The following TBC1D15 variants were observed in gnomAD, a reference collection of about 807,000 sequenced individuals.
TBC1D15 encodes the protein TBC1 domain family member 15, also known as GAP for RAB7.
A neutral mutation model predicts 95.4 loss-of-function variants in TBC1D15; 39 were observed. The ratio of observed to expected loss-of-function variants is 0.41; its 90% CI spans 0.32 to 0.53. TBC1D15 has a LOEUF of 0.53. Among genes scored for constraint, TBC1D15 ranks in the 20% least tolerant of loss-of-function variants. The pLI, the probability that TBC1D15 is intolerant of heterozygous loss-of-function variation, is 0.29. For synonymous variants in TBC1D15, 258 were observed against 261.3 expected, an observed-to-expected ratio of 0.99 and a Z score of 0.12; for missense variants, 733 against 794.3, an observed-to-expected ratio of 0.92 and a Z score of 0.93.
At chr12:71,904,845 G>C (rs1291423180) in intron 10 of TBC1D15, among the ~76,000 whole-genome samples, 20 of 152,196 alleles carry the variant, frequency 1.3e-4, no homozygotes, top group Admixed American at 1.3e-3. Context: ...TAAAATAATT[G>C]TATGAATGGG....
intron 1 of TBC1D15, among the ~76,000 whole-genome samples, chr12:71,857,932 A>G (rs1039857310): frequency 1.3e-5 from 2 of 152,018 alleles, no homozygotes; most frequent in Non-Finnish European, 2.9e-5. Context: ...GTAAGAGAAC[A>G]TGTGGTATTT....
intron 3 of TBC1D15, among the ~76,000 whole-genome samples, chr12:71,879,710 A>G (rs1206117169): frequency 6.6e-6 from 1 of 152,016 alleles, no homozygotes; most frequent in Non-Finnish European, 1.5e-5. Context: ...ATTACATTAT[A>G]TTTCTTCTTC....
chr12:71,849,452 G>T, intron 1 of TBC1D15: 1 of 1,038,022 alleles, frequency 9.6e-7, no homozygotes, highest in Non-Finnish European at 1.5e-6. Context: ...CCTCTTCAAG[G>T]GAAGATTCCA....
intron 1 of TBC1D15, 62 bp downstream of exon 1, chr12:71,839,873 T>C (rs1203859146): frequency 6.3e-7 from 1 of 1,598,216 alleles, no homozygotes; most frequent in Non-Finnish European, 8.6e-7. Flanking sequence ...TTTTGCTCCC[T>C]GGCAGCTGGT....
chr12:71,849,880 T>TG (rs1887328419), intron 1 of TBC1D15: 3 of 572,622 alleles, frequency 5.2e-6, no homozygotes, highest in Admixed American at 4.1e-5. Context: ...GAAGAATGTT[T>TG]GGGGTCCACC....
intron 1 of TBC1D15, among the ~76,000 whole-genome samples, chr12:71,847,423 A>G (rs1886575258): frequency 6.6e-6 from 1 of 152,006 alleles, no homozygotes; most frequent in Non-Finnish European, 1.5e-5. Flanking sequence ...TGGGCCAGGC[A>G]CGGTGGCTCA....
chr12:71,861,765 A>T (rs116989087), intron 1 of TBC1D15, among the ~76,000 whole-genome samples: 2 of 147,246 alleles, frequency 1.4e-5, no homozygotes, highest in African/African-American at 5.0e-5. Context: ...GTTCCTTGAC[A>T]TGCATTGTTC....
intron 4 of TBC1D15, among the ~76,000 whole-genome samples, chr12:71,882,072 T>C (rs1295309554): frequency 1.3e-5 from 2 of 151,964 alleles, no homozygotes; most frequent in Non-Finnish European, 2.9e-5. Flanking sequence ...TAAAAGTTTT[T>C]TTCCCCCCAA....
At chr12:71,912,319 C>T (rs772304965) in intron 11 of TBC1D15, among the ~76,000 whole-genome samples, 2 of 152,058 alleles carry the variant, frequency 1.3e-5, no homozygotes, top group Non-Finnish European at 2.9e-5. Context: ...TTGTCTGGTA[C>T]TGTAATAATT....
chr12:71,844,791 G>T (rs1294906284), intron 1 of TBC1D15, among the ~76,000 whole-genome samples: 1 of 152,198 alleles, frequency 6.6e-6, no homozygotes, highest in Non-Finnish European at 1.5e-5. Context: ...AGGATTCTCT[G>T]CATTCCTCTA....
Position 71,872,943 on chromosome 12 carries a change from A to T in TBC1D15, c.144A>T (p.Ile48=), listed in dbSNP as rs768057008. 3 of 1,607,102 alleles carry T rather than the reference A, an allele frequency of 1.9e-6. No individual in the cohort carries two copies. The highest frequency in any genetic ancestry group is 1.7e-6 in the Non-Finnish European group (2 of 1,177,226). The change falls in exon 3 of 17, where the codon ATA becomes ATT. Residue 48 remains isoleucine, a synonymous_variant. Transcript: ENST00000485960. ...TCTTTCTCTAGGATGCCGAAGTAATAGTGGACTGGAGACCATTGGATGATG... is the reference window on the plus strand; with the variant it reads ...TCTTTCTCTAGGATGCCGAAGTAATTGTGGACTGGAGACCATTGGATGATG... ...LRVLEKDAEV[I]VDWRPLDDAL... is the part of the protein sequence containing the mutation.
chr12:71,896,922 T>G (rs1483069904), intron 9 of TBC1D15, 142 bp downstream of exon 9: 3 of 580,922 alleles, frequency 5.2e-6, no homozygotes, highest in Non-Finnish European at 8.8e-6. Flanking sequence ...ACTTAAAAAT[T>G]ATGAGCATTC....
At chr12:71,885,134 G>T (rs986286267) in intron 5 of TBC1D15, 113 bp downstream of exon 5, 1 of 904,006 alleles carries the variant, frequency 1.1e-6, no homozygotes, top group Non-Finnish European at 1.7e-6. Flanking sequence ...ATGAGGACAT[G>T]AACAGCTTAG....
intron 11 of TBC1D15, chr12:71,913,241 T>G (rs944633324): frequency 1.3e-5 from 2 of 152,178 alleles, no homozygotes; most frequent in Admixed American, 6.6e-5. Context: ...GATATGACTA[T>G]TTAAAAGAGG....
intron 5 of TBC1D15, among the ~76,000 whole-genome samples, chr12:71,890,296 T>G (rs1213728976): frequency 6.6e-6 from 1 of 152,204 alleles, no homozygotes; most frequent in East Asian, 1.9e-4. Flanking sequence ...TTCCAGAGTC[T>G]TATTTCTATG....
intron 1 of TBC1D15, among the ~76,000 whole-genome samples, chr12:71,853,249 G>C (rs902831179): frequency 6.6e-6 from 1 of 152,180 alleles, no homozygotes; most frequent in African/African-American, 2.4e-5. Flanking sequence ...AACAAAATCA[G>C]ATCTCAGGAG....
At chr12:71,846,130 T>C (rs1232344884) in intron 1 of TBC1D15, among the ~76,000 whole-genome samples, 1 of 152,220 alleles carries the variant, frequency 6.6e-6, no homozygotes, top group Non-Finnish European at 1.5e-5. Flanking sequence ...AGAAAATTTA[T>C]TCTAAAATGT....
intron 5 of TBC1D15, among the ~76,000 whole-genome samples, chr12:71,889,844 A>C (rs1222543851): frequency 4.0e-5 from 6 of 151,886 alleles, no homozygotes; most frequent in African/African-American, 1.5e-4. Context: ...CTTTGTGTCC[A>C]TGTGTTGTTT....
rs149458454 is a variant in TBC1D15, at chr12:71,918,896, A to G, written c.1599+348A>G. On this transcript the variant is annotated intron_variant, in intron 14 of 16. Transcript: ENST00000485960. ...GAGGATATTCTTATGTTTTTGGTGT[A>G]CTCCTTTTGTTCCATTTTTTACCCA... is the stretch of plus-strand genomic sequence containing the variant. Among the ~76,000 whole-genome samples the G allele has an allele frequency of 2.7e-3, 409 of 151,666 alleles. 2 individuals are homozygous for G. The highest frequency in any genetic ancestry group is 0.01 in the Middle Eastern group (3 of 292).
Sources: allele counts gnomAD v4.1 joint callset (sites outside exome capture counted in the v4.1 genomes callset), GRCh38; gene constraint gnomAD v4.1.1; transcripts MANE v1.5; gene names NCBI Gene and HGNC (gene_info 2026-07-23, HGNC 2026-07-21).